POU2F2: variants seen among roughly 807,000 people sequenced by gnomAD.
POU2F2 encodes the protein POU class 2 homeobox 2, also known as POU domain, class 2, transcription factor 2.
POU2F2 carries 14 observed loss-of-function variants against 63.5 expected under a neutral mutation model. That is an observed-to-expected ratio of 0.22 (90% confidence interval 0.15 to 0.34). The LOEUF is 0.34. Ranked by LOEUF, POU2F2 falls within the 10% of genes least tolerant of loss-of-function variation. POU2F2 has a pLI of 1.00. For missense variants in POU2F2, 607 were observed against 815.2 expected (o/e 0.74, Z 3.11); for synonymous variants, 306 against 348.6 (o/e 0.88, Z 1.36).
intron 2 of POU2F2, among the ~76,000 whole-genome samples, chr19:42,138,773 TGAAA>T (rs2034069160): frequency 6.6e-6 from 1 of 151,996 alleles, no homozygotes; most frequent in Non-Finnish European, 1.5e-5. Context: ...AGGCCATCAC[TGAAA>T]GACACAGTGA....
At position 42,092,150 on chromosome 19, in the gene POU2F2, G is replaced by A. The variant is rs185988799; in HGVS notation, c.1385C>T (p.Pro462Leu). Residue 462 changes from proline to leucine, a missense_variant, in exon 13 of 15, where the codon CCG becomes CTG. By Grantham distance (98) the Pro-to-Leu change is moderately conservative. Around this residue, in one of 7 missense-constraint regions of POU2F2, gnomAD observed 270 missense variants for 307.5 expected, o/e 0.88. Transcript: ENST00000692977. The surrounding 1 kb of genome is among the most constrained non-coding windows in gnomAD (Gnocchi z 5.0). ...GGGGTTTGTGCTGTTGGTGGTGGCC[G>A]GGGGTGGGGGAGTGACAGAGGGGAT... ...NSIPSVTPPP[P>L]ATTNSTNPSP... The A allele has an allele frequency of 1.9e-4, 302 of 1,582,164 alleles. 3 individuals are homozygous for A. Among genetic ancestry groups the A allele is most frequent in the South Asian group, 1.5e-3 (131 of 85,670 alleles).
At chr19:42,176,028 A>G (rs914704457), upstream of POU2F2, 2 of 143,636 alleles carry the variant, frequency 1.4e-5, no homozygotes, top group African/African-American at 5.2e-5. Context: ...CAATATCCTC[A>G]CCATCATCGT....
intron 1 of POU2F2, among the ~76,000 whole-genome samples, chr19:42,131,892 T>C (rs529487366): frequency 6.6e-6 from 1 of 151,912 alleles, no homozygotes; most frequent in Admixed American, 6.6e-5. Flanking sequence ...AACAGCCCCC[T>C]ACACTCACAA....
At position 42,096,250 on chromosome 19, in the gene POU2F2, G is replaced by GGGTGGGCA. The variant is rs766351745; in HGVS notation, c.568-15_568-8dup. On this transcript the variant is annotated splice_region_variant and splice_polypyrimidine_tract_variant and intron_variant, in intron 7 of 14. Transcript: ENST00000692977. The surrounding 1 kb of genome is among the most constrained non-coding windows in gnomAD (Gnocchi z 4.1). Reference sequence around the variant, plus strand: ...GCGTAGGGCGGGTCACGGCCTGGTGGGGTGGGCAGGTGGGTGGGATGCAGG... The same window carrying GGGTGGGCA: ...GCGTAGGGCGGGTCACGGCCTGGTGGGGTGGGCAGGTGGGCAGGTGGGTGGGATGCAGG... 1.1e-5 allele frequency: 17 copies of GGGTGGGCA among 1,557,996 alleles called. No individual in the cohort carries two copies. In the East Asian group the frequency reaches 3.7e-4, roughly 34 times the overall value.
At chr19:42,129,717 C>A (rs530669508) in intron 1 of POU2F2, among the ~76,000 whole-genome samples, 1 of 152,252 alleles carries the variant, frequency 6.6e-6, no homozygotes, top group South Asian at 2.1e-4. Flanking sequence ...GCCGAGCCCC[C>A]GTCCTCCCCA....
intron 5 of POU2F2, among the ~76,000 whole-genome samples, chr19:42,103,521 C>A (rs1052023852): frequency 6.6e-6 from 1 of 152,140 alleles, no homozygotes; most frequent in African/African-American, 2.4e-5. Flanking sequence ...TTGGCACATG[C>A]CCCTCAATTC....
At chr19:42,157,689 G>A (rs564963158) in intron 2 of POU2F2, among the ~76,000 whole-genome samples, 6 of 152,338 alleles carry the variant, frequency 3.9e-5, no homozygotes, top group South Asian at 4.1e-4. Context: ...AATCAGATAC[G>A]GTGATAGTGC....
At chr19:42,130,788 G>T (rs985719064) in intron 1 of POU2F2, among the ~76,000 whole-genome samples, 1 of 150,826 alleles carries the variant, frequency 6.6e-6, no homozygotes, top group Non-Finnish European at 1.5e-5. Flanking sequence ...CCTCCAGGAA[G>T]CCCTCCTTGA....
chr19:42,192,473 T>C (rs1368940715), intron 1 of POU2F2, among the ~76,000 whole-genome samples: 1 of 152,210 alleles, frequency 6.6e-6, no homozygotes, highest in Non-Finnish European at 1.5e-5. Context: ...CTAGGACAGG[T>C]GTTTAAGCTG....
intron 7 of POU2F2, 85 bp downstream of exon 7, chr19:42,099,442 C>G (rs1357864582): frequency 8.2e-7 from 1 of 1,222,790 alleles, no homozygotes; most frequent in Non-Finnish European, 1.2e-6. Context: ...AAAGGAGACT[C>G]TCACTCATCC....
chr19:42,194,758 CAAAAAAAAA>C (rs71167389), intron 1 of POU2F2, among the ~76,000 whole-genome samples: 18 of 21,730 alleles, frequency 8.3e-4, no homozygotes, highest in African/African-American at 3.2e-3. Flanking sequence ...GACTCTGTCT[CAAAAAAAAA>C]AAAAAAAAAA....
At chr19:42,185,205 T>G (rs112606622) in intron 1 of POU2F2, among the ~76,000 whole-genome samples, 4 of 152,298 alleles carry the variant, frequency 2.6e-5, no homozygotes, top group African/African-American at 9.6e-5. Context: ...CAACCGAGTA[T>G]TTCTCAAATC....
chr19:42,103,797 T>A (rs1308224948), intron 5 of POU2F2, among the ~76,000 whole-genome samples: 1 of 152,026 alleles, frequency 6.6e-6, no homozygotes, highest in Non-Finnish European at 1.5e-5. Flanking sequence ...CACGCCTGGC[T>A]AATTTTTTTG....
In POU2F2 at chr19:42,122,369, C is replaced by T. The variant is rs760733530; in HGVS notation, c.104G>A (p.Arg35Lys). ...DSPSEHTDTE[R>K]NGPDTNHQNP... ...CTGATGATTAGTGTCTGGTCCATTT[C>T]TTTCGGTGTCTGCAAAGAGAGGGAA... Residue 35 changes from arginine (R) to lysine (K), a missense_variant, in exon 3 of 15, where the codon AGA becomes AAA. Coordinates refer to ENST00000692977, the MANE Select transcript of POU2F2 (RefSeq NM_001394376.1). 6.8e-7 allele frequency: 1 copy of T among 1,480,742 alleles called. No individual in the cohort carries two copies. Among genetic ancestry groups the T allele is most frequent in the African/African-American group, 1.5e-5 (1 of 68,766 alleles). The allele number at this position is 1,480,742 out of a possible 1,614,324, so 91.7% of individuals were successfully genotyped here. A position where few individuals can be genotyped will look rare whatever the true frequency, so the allele number is the denominator to read the frequency against.
exon 2 of POU2F2, chr19:42,160,383 A>G (rs1184060783): frequency 6.6e-6 from 1 of 152,318 alleles, no homozygotes; most frequent in Non-Finnish European, 1.5e-5. Flanking sequence ...AACCCGGTCC[A>G]GTCGAGAACC....
chr19:42,087,170 GGTTT>G lies in POU2F2; in HGVS notation c.*4083_*4086del, dbSNP rs2076577154. ...TTTTTTTTTAAATGGTTAAATCTTT[GGTTT>G]GTTTCTTTTTTCTCTTGGAGGCCTT... On this transcript the variant is annotated 3_prime_UTR_variant, in exon 15 of 15. Transcript: ENST00000692977. 6.9e-6 allele frequency: 1 copy of G among 143,902 alleles called. No individual in the cohort carries two copies. Among genetic ancestry groups the G allele is most frequent in the Admixed American group, 7.0e-5 (1 of 14,370 alleles). The allele number at this position is 143,902 out of a possible 1,614,324, so 8.9% of individuals were successfully genotyped here.
chr19:42,094,728 TAA>T lies in POU2F2; in HGVS notation c.1197+556_1197+557del, dbSNP rs374320035. ...GGCTCTTTGCCTTCTTGTGGCTGGC[TAA>T]CTCTCCCTTGTCCTTTAGAACTCAG... On this transcript the variant is annotated intron_variant, in intron 11 of 14. Transcript: ENST00000692977. Among the ~76,000 whole-genome samples the T allele has an allele frequency of 2.4e-4, 36 of 152,316 alleles. No individual in the cohort carries two copies. In the East Asian group the frequency reaches 4.0e-3, roughly 17 times the overall value.
intron 1 of POU2F2, among the ~76,000 whole-genome samples, chr19:42,167,252 C>T (rs1370405772): frequency 6.6e-6 from 1 of 152,074 alleles, no homozygotes; most frequent in African/African-American, 2.4e-5. Context: ...GTCAGGAGTT[C>T]GAGACCAGCC....
At chr19:42,114,710 G>C (rs1048994829) in intron 5 of POU2F2, among the ~76,000 whole-genome samples, 2 of 152,210 alleles carry the variant, frequency 1.3e-5, no homozygotes, top group African/African-American at 2.4e-5. Context: ...ATAATCTGGG[G>C]CAGGTCACTT....
Sources: gnomAD v4.1 joint callset for allele counts (sites outside exome capture counted in the v4.1 genomes callset) on GRCh38, gnomAD v4.1.1 for gene constraint, gnomAD v4.1.1 regional missense constraint, Gnocchi (gnomAD v3.1) non-coding constraint, MANE v1.5 for transcripts, NCBI Gene and HGNC (gene_info 2026-07-23, HGNC 2026-07-21) for gene names.